Variants in FAM184A observed in about 807,000 individuals in gnomAD.
FAM184A encodes family with sequence similarity 184 member A.
In FAM184A, 99 loss-of-function variants were observed where a neutral mutation model predicts 143.8. The ratio of observed to expected loss-of-function variants is 0.69; its 90% CI spans 0.58 to 0.81. The LOEUF is 0.81. FAM184A is among the 40% of genes least tolerant of loss of function. The probability of loss-of-function intolerance (pLI) is 0.00; values close to 1 mark genes in which losing one functional copy is unlikely to be tolerated. For synonymous variants in FAM184A, 427 were observed against 446.4 expected, an observed-to-expected ratio of 0.96 and a Z score of 0.55; for missense variants, 1,217 against 1,310.5, an observed-to-expected ratio of 0.93 and a Z score of 1.10.
chr6:119,147,685 A>G (rs960269050), intron 1 of FAM184A, among the ~76,000 whole-genome samples: 1 of 152,250 alleles, frequency 6.6e-6, no homozygotes, highest in African/African-American at 2.4e-5. Flanking sequence ...AGGAAGCTGA[A>G]CAATAACTTC....
At chr6:118,969,749 C>T (rs918854107) in intron 14 of FAM184A, among the ~76,000 whole-genome samples, 5 of 150,852 alleles carry the variant, frequency 3.3e-5, no homozygotes, top group African/African-American at 1.2e-4. Context: ...CTGCACCCAT[C>T]AACCCATCAT....
chr6:119,089,150 C>G (rs1392962020), intron 1 of FAM184A, among the ~76,000 whole-genome samples: 1 of 146,928 alleles, frequency 6.8e-6, no homozygotes, highest in Non-Finnish European at 1.5e-5. Context: ...TCCCAAATAG[C>G]TAACACCTAT....
chr6:118,998,908 A>G (rs2114630653), intron 9 of FAM184A, among the ~76,000 whole-genome samples: 1 of 152,380 alleles, frequency 6.6e-6, no homozygotes, highest in East Asian at 1.9e-4. Context: ...GGATAGTAAT[A>G]TAATCCAACT....
chr6:119,078,217 T>G lies in FAM184A; in HGVS notation c.83A>C (p.Gln28Pro), dbSNP rs1170662796. The change falls in exon 1 of 18, where the codon CAG becomes CCG. Residue 28 changes from glutamine (Q) to proline (P), a missense_variant. By Grantham distance (76) the Gln-to-Pro change is moderately conservative. Transcript: ENST00000338891. This position sits in a 1 kb window ranked among gnomAD's most constrained non-coding sequence, Gnocchi z 5.5. ...GTAGTCCATGCTGTGCCCAGCCAGC[T>G]GTGCGGTGGCCGGCGAGGGCGCGAA... ...AKFAPSPATAQLAGHSMDYSQ... is the reference protein window; with the variant it reads ...AKFAPSPATAPLAGHSMDYSQ... 6.4e-7 allele frequency: 1 copy of G among 1,558,872 alleles called. No individual in the cohort carries two copies. Among genetic ancestry groups the G allele is most frequent in the Admixed American group, 1.9e-5 (1 of 53,316 alleles).
chr6:118,976,184 T>C, intron 11 of FAM184A, 140 bp from the exon 12 acceptor site: 2 of 778,066 alleles, frequency 2.6e-6, no homozygotes, highest in Non-Finnish European at 4.1e-6. Context: ...TTATAAACTA[T>C]GACAAATTTA....
intron 1 of FAM184A, among the ~76,000 whole-genome samples, chr6:119,055,317 C>A (rs539816050): frequency 3.3e-5 from 5 of 152,188 alleles, no homozygotes; most frequent in African/African-American, 1.2e-4. Context: ...TGGGTTGTTT[C>A]CATTCTTAGC....
In FAM184A at chr6:119,020,052, C is replaced by T; in HGVS notation, c.1258G>A (p.Glu420Lys). 6 of 1,607,658 alleles carry T rather than the reference C, an allele frequency of 3.7e-6. No homozygotes were observed. The highest frequency in any genetic ancestry group is 5.1e-6 in the Non-Finnish European group (6 of 1,178,064). The change falls in exon 4 of 18, where the codon GAA becomes AAA. Residue 420 changes from glutamate to lysine, a missense_variant. By Grantham distance (56) the Glu-to-Lys change is moderately conservative. Coordinates refer to ENST00000338891, the MANE Select transcript of FAM184A (RefSeq NM_024581.6). ...VNERLSQLEEERAFLRSKTQS... is the reference protein window; with the variant it reads ...VNERLSQLEEKRAFLRSKTQS... ...GTTTTGCTTCGCAAAAAAGCTCTTT[C>T]CTCTTCAAGTTGAGATAATCTCTCA...
chr6:119,104,353 C>A (rs1788722061), intron 1 of FAM184A, among the ~76,000 whole-genome samples: 1 of 152,162 alleles, frequency 6.6e-6, no homozygotes, highest in Admixed American at 6.5e-5. Context: ...AATGCCACCG[C>A]AAGAAAAACG....
At chr6:119,041,505 A>T (rs1786331243) in intron 1 of FAM184A, among the ~76,000 whole-genome samples, 1 of 152,172 alleles carries the variant, frequency 6.6e-6, no homozygotes. Flanking sequence ...AGGGACAATG[A>T]TCAGGATATA....
At chr6:119,013,140 A>G (rs950509330) in intron 5 of FAM184A, among the ~76,000 whole-genome samples, 2 of 152,194 alleles carry the variant, frequency 1.3e-5, no homozygotes, top group African/African-American at 4.8e-5. Flanking sequence ...ATAATGCTGC[A>G]ATAGGGTGGT....
chr6:118,961,943 T>C lies in FAM184A; in HGVS notation c.3159A>G (p.Lys1053=), dbSNP rs1240431830. Residue 1053 remains lysine (K), a synonymous_variant, in exon 17 of 18, where the codon AAA becomes AAG. Transcript: ENST00000338891. Reference sequence around the variant, plus strand: ...CACTCACAAACCTGTTTGTTGGTGATTTATCATTCTTCTTCTTTTGCTGCA... The same window carrying C: ...CACTCACAAACCTGTTTGTTGGTGACTTATCATTCTTCTTCTTTTGCTGCA... The part of the protein sequence containing the change: ...PLAKQKKKND[K]SPTNRFVSVP... 1 of 1,613,886 alleles carries C rather than the reference T, an allele frequency of 6.2e-7. No individual in the cohort carries two copies. Among genetic ancestry groups the C allele is most frequent in the South Asian group, 1.1e-5 (1 of 91,082 alleles).
At chr6:119,050,027 G>A (rs1786688873) in intron 1 of FAM184A, among the ~76,000 whole-genome samples, 1 of 152,178 alleles carries the variant, frequency 6.6e-6, no homozygotes, top group Non-Finnish European at 1.5e-5. Flanking sequence ...GACATGAACA[G>A]ACACTTTTCC....
intron 1 of FAM184A, among the ~76,000 whole-genome samples, chr6:119,093,590 C>T (rs554227403): frequency 6.6e-6 from 1 of 152,276 alleles, no homozygotes; most frequent in African/African-American, 2.4e-5. Flanking sequence ...TAGAACTTGA[C>T]ACATTTTCAA....
At chr6:119,127,170 CG>C (rs1562161044) in intron 1 of FAM184A, among the ~76,000 whole-genome samples, 1 of 152,218 alleles carries the variant, frequency 6.6e-6, no homozygotes, top group African/African-American at 2.4e-5. Flanking sequence ...GGGCCCTTGC[CG>C]GGAACCCCAC....
At chr6:119,057,136 C>T (rs140097365) in intron 1 of FAM184A, among the ~76,000 whole-genome samples, 49 of 152,250 alleles carry the variant, frequency 3.2e-4, no homozygotes, top group African/African-American at 1.2e-3. Flanking sequence ...CCAATAAATG[C>T]TGCTGCCCAA....
chr6:119,078,356 G>A lies in FAM184A; in HGVS notation c.-57C>T. The A allele has an allele frequency of 1.1e-5, 15 of 1,365,606 alleles. No individual in the cohort carries two copies. The highest frequency in any genetic ancestry group is 3.3e-5 in the South Asian group (2 of 59,744). 84.6% of individuals were successfully genotyped at this position (1,365,606 alleles called of 1,614,324 possible). ...CCCCGCGGGTGGAGGCAGGCCCGTG[G>A]AGCAACGACGCCCGGGAGGCAAGAG... is the stretch of plus-strand genomic sequence containing the variant. On this transcript the variant is annotated 5_prime_UTR_variant, in exon 1 of 18. Coordinates refer to ENST00000338891, the MANE Select transcript of FAM184A (RefSeq NM_024581.6). The surrounding 1 kb of genome is among the most constrained non-coding windows in gnomAD (Gnocchi z 5.5).
chr6:119,045,260 C>A (rs1055616497), intron 1 of FAM184A, among the ~76,000 whole-genome samples: 3 of 150,340 alleles, frequency 2.0e-5, no homozygotes, highest in African/African-American at 7.3e-5. Flanking sequence ...TTTCCTCTAC[C>A]TGCTAAAACA....
At chr6:119,015,897 T>C (rs1005224281) in intron 5 of FAM184A, among the ~76,000 whole-genome samples, 2 of 152,116 alleles carry the variant, frequency 1.3e-5, no homozygotes, top group Non-Finnish European at 2.9e-5. Context: ...CAATCGACAC[T>C]CTGTATCTAG....
intron 1 of FAM184A, among the ~76,000 whole-genome samples, chr6:119,074,345 G>T (rs1464434887): frequency 1.3e-5 from 2 of 152,186 alleles, no homozygotes; most frequent in African/African-American, 2.4e-5. Flanking sequence ...TTTCCCCCTT[G>T]CAAGAGACAG....
Sources: allele counts gnomAD v4.1 joint callset (sites outside exome capture counted in the v4.1 genomes callset), GRCh38; gene constraint gnomAD v4.1.1; non-coding constraint Gnocchi (gnomAD v3.1); transcripts MANE v1.5; gene names NCBI Gene and HGNC (gene_info 2026-07-23, HGNC 2026-07-21).